PTPN4: variants seen among roughly 807,000 people sequenced by gnomAD.
PTPN4 encodes the protein protein tyrosine phosphatase non-receptor type 4.
In PTPN4, 49 loss-of-function variants were observed where a neutral mutation model predicts 135.5. That is an observed-to-expected ratio of 0.36 (90% CI 0.29 to 0.46). The LOEUF (loss-of-function observed/expected upper bound fraction) is 0.46. Ranked by LOEUF, PTPN4 falls within the 20% of genes least tolerant of loss-of-function variation. The pLI, the probability that PTPN4 is intolerant of heterozygous loss-of-function variation, is 1.00. For synonymous variants in PTPN4, 333 were observed against 369.9 expected (o/e 0.90, Z 1.14); for missense variants, 860 against 1,101.0 (o/e 0.78, Z 3.10).
intron 8 of PTPN4, 36 bp from the exon 9 acceptor site, chr2:119,885,759 A>C: frequency 7.2e-7 from 1 of 1,380,878 alleles, no homozygotes; most frequent in East Asian, 2.4e-5. Context: ...TGATTGATTG[A>C]TTGATCTCAT....
At chr2:119,882,654 A>T (rs757502091) in intron 8 of PTPN4, 31 bp downstream of exon 8, 2 of 1,452,644 alleles carry the variant, frequency 1.4e-6, no homozygotes, top group Non-Finnish European at 1.9e-6. Flanking sequence ...TATTTGATAA[A>T]CTTCTTAATG....
intron 1 of PTPN4, among the ~76,000 whole-genome samples, chr2:119,765,386 C>G (rs756869745): frequency 6.6e-6 from 1 of 152,120 alleles, no homozygotes; most frequent in Non-Finnish European, 1.5e-5. Context: ...GTTTAAAACC[C>G]TAGGACTGGG....
At position 119,978,675 on chromosome 2, in the gene PTPN4, A is replaced by G. The variant is rs1679651534; in HGVS notation, c.*1605A>G. ...CACCTATACAAATGTTATTTTACAC[A>G]ATTATTTTATGTGGATTGGGGTTTT... On this transcript the variant is annotated 3_prime_UTR_variant, in exon 27 of 27. Coordinates refer to ENST00000263708, the MANE Select transcript of PTPN4 (RefSeq NM_002830.4). 1 of 152,114 alleles carries G rather than the reference A, an allele frequency of 6.6e-6. No homozygotes were observed. Among genetic ancestry groups the G allele is most frequent in the Admixed American group, 6.5e-5 (1 of 15,268 alleles). 9.4% of individuals were successfully genotyped at this position (152,114 alleles called of 1,614,324 possible). A position where few individuals can be genotyped will look rare whatever the true frequency, so the allele number is the denominator to read the frequency against.
chr2:119,956,740 G>A lies in PTPN4; in HGVS notation c.1981-104G>A, dbSNP rs944049998. On this transcript the variant is annotated intron_variant, in intron 20 of 26. Coordinates refer to ENST00000263708, the MANE Select transcript of PTPN4 (RefSeq NM_002830.4). Reference sequence around the variant, plus strand: ...TCATTGTATAGATGACCTATTCAAAGGCAAAGAAACCTGTTTCCTGTTAGT... The same window carrying A: ...TCATTGTATAGATGACCTATTCAAAAGCAAAGAAACCTGTTTCCTGTTAGT... 3.4e-5 allele frequency: 53 copies of A among 1,556,846 alleles called. No individual in the cohort carries two copies. In the East Asian group the frequency reaches 1.2e-3, roughly 35 times the overall value.
chr2:119,863,212 A>G (rs1257536680), intron 3 of PTPN4, among the ~76,000 whole-genome samples: 3 of 152,082 alleles, frequency 2.0e-5, no homozygotes, highest in African/African-American at 7.2e-5. Context: ...CATCATAGAA[A>G]TAGAAGATAG....
chr2:119,818,755 T>C (rs951158526), intron 2 of PTPN4, among the ~76,000 whole-genome samples: 6 of 152,352 alleles, frequency 3.9e-5, no homozygotes, highest in African/African-American at 1.2e-4. Context: ...AGCCAGCAGA[T>C]TACTTTGATC....
chr2:119,776,667 A>G (rs1434484131), intron 1 of PTPN4, among the ~76,000 whole-genome samples: 1 of 152,284 alleles, frequency 6.6e-6, no homozygotes, highest in East Asian at 1.9e-4. Flanking sequence ...TAATGTGAAG[A>G]CAGTGAGGAT....
chr2:119,976,838 G>A, intron 26 of PTPN4, 146 bp from the exon 27 acceptor site: 3 of 1,399,198 alleles, frequency 2.1e-6, no homozygotes, highest in East Asian at 5.3e-5. Context: ...AGTCTAGACT[G>A]TTAGTGAAAA....
At chr2:119,845,207 G>A (rs891039038) in intron 2 of PTPN4, among the ~76,000 whole-genome samples, 1 of 138,798 alleles carries the variant, frequency 7.2e-6, no homozygotes, top group Middle Eastern at 3.5e-3. Flanking sequence ...GTCCAGCTTC[G>A]GCTCCGCATG....
intron 2 of PTPN4, among the ~76,000 whole-genome samples, chr2:119,827,639 G>T (rs976812804): frequency 6.6e-6 from 1 of 152,142 alleles, no homozygotes; most frequent in African/African-American, 2.4e-5. Flanking sequence ...TCACTGGATC[G>T]AGATAATAGA....
At chr2:119,772,664 A>G (rs1295384488) in intron 1 of PTPN4, among the ~76,000 whole-genome samples, 3 of 152,078 alleles carry the variant, frequency 2.0e-5, no homozygotes, top group African/African-American at 7.2e-5. Flanking sequence ...CAGCCTTCCA[A>G]GTAGCTGGGA....
At chr2:119,818,443 T>C (rs1305643346) in intron 2 of PTPN4, among the ~76,000 whole-genome samples, 1 of 152,146 alleles carries the variant, frequency 6.6e-6, no homozygotes, top group Non-Finnish European at 1.5e-5. Context: ...CTAAGAATGG[T>C]TTTTTACATT....
In PTPN4 at chr2:119,976,971, T is replaced by A. The variant is rs1033530687; in HGVS notation, c.2695-13T>A. On this transcript the variant is annotated splice_polypyrimidine_tract_variant and intron_variant, in intron 26 of 26. Transcript: ENST00000263708. ...TTTCTGATCAGTTCTGTTTTTTATA[T>A]TTTATTTTTCAGAGTCAATACAGAT... 1 of 1,598,538 alleles carries A rather than the reference T, an allele frequency of 6.3e-7. No individual in the cohort carries two copies. The highest frequency in any genetic ancestry group is 1.8e-5 in the Admixed American group (1 of 56,140).
intron 2 of PTPN4, among the ~76,000 whole-genome samples, chr2:119,851,030 C>G (rs1677583339): frequency 6.6e-6 from 1 of 152,200 alleles, no homozygotes; most frequent in African/African-American, 2.4e-5. Flanking sequence ...GTTTAAGTAT[C>G]AGGCCAATGC....
intron 1 of PTPN4, among the ~76,000 whole-genome samples, chr2:119,799,071 C>A (rs921017670): frequency 3.9e-5 from 6 of 152,322 alleles, no homozygotes; most frequent in African/African-American, 1.4e-4. Flanking sequence ...TCTATACAAT[C>A]ATCTTTCATA....
chr2:119,869,103 T>A (rs962411982), intron 3 of PTPN4, among the ~76,000 whole-genome samples: 2 of 151,932 alleles, frequency 1.3e-5, no homozygotes, highest in Non-Finnish European at 2.9e-5. Context: ...TGTCCATCAA[T>A]AAACAAAGGG....
At chr2:119,891,489 AT>A (rs919933410) in intron 9 of PTPN4, among the ~76,000 whole-genome samples, 4 of 151,284 alleles carry the variant, frequency 2.6e-5, no homozygotes, top group Non-Finnish European at 4.4e-5. Context: ...TGCCTGGCTA[AT>A]TTTTTTTTAT....
At chr2:119,889,234 G>A (rs981967296) in intron 9 of PTPN4, among the ~76,000 whole-genome samples, 11 of 151,920 alleles carry the variant, frequency 7.2e-5, no homozygotes, top group African/African-American at 2.4e-4. Context: ...CCTGGCTAAC[G>A]CGGTGAAACC....
chr2:119,882,928 G>A (rs1393593834), intron 8 of PTPN4, among the ~76,000 whole-genome samples: 2 of 152,090 alleles, frequency 1.3e-5, no homozygotes, highest in Admixed American at 6.6e-5. Flanking sequence ...AGATCAGTCT[G>A]CTTAGTAATT....
Sources: gnomAD v4.1 joint callset for allele counts (sites outside exome capture counted in the v4.1 genomes callset) on GRCh38, gnomAD v4.1.1 for gene constraint, MANE v1.5 for transcripts, NCBI Gene and HGNC (gene_info 2026-07-23, HGNC 2026-07-21) for gene names.